The following SH3RF3 variants were observed in gnomAD, a reference collection of about 807,000 sequenced individuals.
SH3RF3 encodes E3 ubiquitin-protein ligase SH3RF3.
SH3RF3 carries 29 observed loss-of-function variants against 66.3 expected under a neutral mutation model. The ratio of observed to expected loss-of-function variants is 0.44; its 90% CI spans 0.33 to 0.60. The LOEUF is 0.60. Among genes scored for constraint, SH3RF3 ranks in the 20% least tolerant of loss-of-function variants. SH3RF3 has a pLI of 0.04. For missense variants in SH3RF3, 1,194 were observed against 1,190.9 expected (o/e 1.00, Z -0.04); for synonymous variants, 583 against 532.0 (o/e 1.10, Z -1.32).
intron 1 of SH3RF3, among the ~76,000 whole-genome samples, chr2:109,245,466 G>A (rs1679894203): frequency 6.6e-6 from 1 of 152,150 alleles, no homozygotes; most frequent in African/African-American, 2.4e-5. Context: ...GCACATTAGT[G>A]CTTCCTATGT....
intron 2 of SH3RF3, among the ~76,000 whole-genome samples, chr2:109,356,362 C>T (rs550239894): frequency 5.2e-4 from 79 of 152,330 alleles, no homozygotes; most frequent in African/African-American, 1.8e-3. Context: ...TGCCACCACA[C>T]TGCAGCTAGG....
At chr2:109,172,153 C>G (rs1475630579) in intron 1 of SH3RF3, among the ~76,000 whole-genome samples, 1 of 152,180 alleles carries the variant, frequency 6.6e-6, no homozygotes, top group African/African-American at 2.4e-5. Context: ...CTCCCGGAGC[C>G]ATCTGGAATA....
chr2:109,170,295 T>TCC (rs1677742906), intron 1 of SH3RF3, among the ~76,000 whole-genome samples: 1 of 116,982 alleles, frequency 8.5e-6, no homozygotes, highest in African/African-American at 3.2e-5. Flanking sequence ...TTCTCTTCTC[T>TCC]TCTCTTCTCT....
intron 3 of SH3RF3, among the ~76,000 whole-genome samples, chr2:109,390,026 G>C (rs1269545384): frequency 6.6e-6 from 1 of 152,088 alleles, no homozygotes; most frequent in Non-Finnish European, 1.5e-5. Context: ...AATCACTTTG[G>C]TCCTCAGGTT....
At chr2:109,443,979 T>C (rs886205833) in intron 7 of SH3RF3, among the ~76,000 whole-genome samples, 2 of 152,220 alleles carry the variant, frequency 1.3e-5, no homozygotes, top group Admixed American at 1.3e-4. Flanking sequence ...TGAGATAGAT[T>C]ATGTACTGGG....
intron 8 of SH3RF3, among the ~76,000 whole-genome samples, chr2:109,472,457 C>T (rs1411380195): frequency 6.6e-6 from 1 of 152,104 alleles, no homozygotes; most frequent in Non-Finnish European, 1.5e-5. Flanking sequence ...CGGGGCTTCC[C>T]GTCAGGGCTT....
intron 1 of SH3RF3, among the ~76,000 whole-genome samples, chr2:109,203,207 T>C (rs1215459208): frequency 6.6e-6 from 1 of 152,162 alleles, no homozygotes; most frequent in East Asian, 1.9e-4. Flanking sequence ...AGAAGGACCC[T>C]GCAGAGAGCC....
intron 1 of SH3RF3, among the ~76,000 whole-genome samples, chr2:109,317,158 A>G (rs1357615664): frequency 6.9e-6 from 1 of 144,538 alleles, no homozygotes; most frequent in East Asian, 2.0e-4. Flanking sequence ...TGTAAGTTTC[A>G]TGAAATGTTT....
chr2:109,450,118 G>A (rs570465488), intron 8 of SH3RF3, among the ~76,000 whole-genome samples: 2 of 152,334 alleles, frequency 1.3e-5, no homozygotes, highest in South Asian at 2.1e-4. Context: ...GGCTGAGGCG[G>A]GCGGATCACC....
chr2:109,233,863 A>G (rs1353287970), intron 1 of SH3RF3, among the ~76,000 whole-genome samples: 2 of 152,168 alleles, frequency 1.3e-5, no homozygotes, highest in Non-Finnish European at 2.9e-5. Flanking sequence ...ATTGGTCTGC[A>G]TTGTTTTGTC....
At chr2:109,358,398 C>G (rs1682993771) in intron 2 of SH3RF3, among the ~76,000 whole-genome samples, 1 of 152,206 alleles carries the variant, frequency 6.6e-6, no homozygotes, top group Admixed American at 6.5e-5. Flanking sequence ...GCTTTCAGCT[C>G]CTTTGGATAA....
chr2:109,184,542 C>T (rs572490888), intron 1 of SH3RF3, among the ~76,000 whole-genome samples: 2 of 152,250 alleles, frequency 1.3e-5, no homozygotes, highest in South Asian at 4.1e-4. Context: ...GGAGGCTGAG[C>T]TGTTGCTTAG....
intron 8 of SH3RF3, among the ~76,000 whole-genome samples, chr2:109,484,614 C>G (rs1201819106): frequency 6.6e-6 from 1 of 152,228 alleles, no homozygotes; most frequent in African/African-American, 2.4e-5. Flanking sequence ...TCCATCATAT[C>G]TAGTACCATT....
In SH3RF3 at chr2:109,484,966, A is replaced by G. The variant is rs77259884; in HGVS notation, c.2149-5639A>G. Among the ~76,000 whole-genome samples the G allele has an allele frequency of 3.3e-4, 51 of 152,334 alleles. 1 individual carries two copies. In the East Asian group the frequency reaches 8.9e-3, roughly 27 times the overall value. ...GAGTTAAAGTGTACGATTGTGTTCAATCCTTTATTCCCAAAGCTGGTGAGT... is the reference window on the plus strand; with the variant it reads ...GAGTTAAAGTGTACGATTGTGTTCAGTCCTTTATTCCCAAAGCTGGTGAGT... On this transcript the variant is annotated intron_variant, in intron 8 of 9. Transcript: ENST00000309415.
chr2:109,372,457 A>G lies in SH3RF3; in HGVS notation c.945+776A>G, dbSNP rs541055250. ...ATGCTGTAACCACCAGCGTCATCCC[A>G]TAAGAGTGGCTTCAGTGAATGCTTA... On this transcript the variant is annotated intron_variant, in intron 3 of 9. Coordinates refer to ENST00000309415, the MANE Select transcript of SH3RF3 (RefSeq NM_001099289.3). Among the ~76,000 whole-genome samples, 3 of 152,306 alleles carry G rather than the reference A, an allele frequency of 2.0e-5. No homozygotes were observed. The East Asian group carries it at 5.8e-4, about 29-fold the overall frequency.
chr2:109,247,941 A>G (rs141905701), intron 1 of SH3RF3, among the ~76,000 whole-genome samples: 37 of 152,288 alleles, frequency 2.4e-4, no homozygotes, highest in African/African-American at 8.2e-4. Context: ...GCAGACTCCA[A>G]CGTGCAAGCG....
intron 1 of SH3RF3, among the ~76,000 whole-genome samples, chr2:109,134,922 C>T (rs1163507882): frequency 6.6e-6 from 1 of 152,218 alleles, no homozygotes; most frequent in East Asian, 1.9e-4. Flanking sequence ...ACAGGCAGCT[C>T]TATTAATATG....
intron 4 of SH3RF3, among the ~76,000 whole-genome samples, chr2:109,417,504 G>A (rs990889796): frequency 1.3e-5 from 2 of 152,136 alleles, no homozygotes; most frequent in Admixed American, 6.5e-5. Flanking sequence ...TCCTGCTTCC[G>A]CATGTGGCAT....
intron 1 of SH3RF3, among the ~76,000 whole-genome samples, chr2:109,281,033 C>G (rs191641471): frequency 6.6e-6 from 1 of 152,346 alleles, no homozygotes; most frequent in East Asian, 1.9e-4. Flanking sequence ...CTGAGCCATG[C>G]TGTCCCCAGA....
Sources: allele counts gnomAD v4.1 joint callset (sites outside exome capture counted in the v4.1 genomes callset), GRCh38; gene constraint gnomAD v4.1.1; transcripts MANE v1.5; gene names NCBI Gene and HGNC (gene_info 2026-07-23, HGNC 2026-07-21).